Variants in FSIP2 observed in about 807,000 individuals in gnomAD.
FSIP2 encodes the protein fibrous sheath-interacting protein 2.
FSIP2 carries 367 observed loss-of-function variants against 510.5 expected under a neutral mutation model. The ratio of observed to expected loss-of-function variants is 0.72; its 90% CI spans 0.66 to 0.78. The LOEUF is 0.78. Among genes scored for constraint, FSIP2 ranks in the 30% least tolerant of loss-of-function variants. The pLI, the probability that FSIP2 is intolerant of heterozygous loss-of-function variation, is 0.00. For synonymous variants in FSIP2, 2,601 were observed against 2,732.2 expected, an observed-to-expected ratio of 0.95 and a Z score of 1.50; for missense variants, 7,594 against 7,901.7, an observed-to-expected ratio of 0.96 and a Z score of 1.48.
chr2:185,739,102 T>C, intron 1 of FSIP2, 109 bp downstream of exon 1: 2 of 1,358,178 alleles, frequency 1.5e-6, no homozygotes, highest in Non-Finnish European at 1.9e-6. Context: ...CTGTCCCCCG[T>C]CAGGAGGCTG....
At position 185,807,022 on chromosome 2, in the gene FSIP2, C is replaced by T; in HGVS notation, c.17716C>T (p.Pro5906Ser). Residue 5906 changes from proline to serine, a missense_variant, in exon 17 of 23, where the codon CCA (proline) becomes TCA (serine). By Grantham distance (74) the Pro-to-Ser change is moderately conservative (BLOSUM62 -1). Transcript: ENST00000424728. ...GAGAAAACCTTCTTCAGATAAGATA[C>T]CATCAATTGACAAAACATTGGTCAA... ...MMRKPSSDKI[P>S]SIDKTLVNKV... 6.3e-7 allele frequency: 1 copy of T among 1,596,730 alleles called. No individual in the cohort carries two copies. The highest frequency in any genetic ancestry group is 8.5e-7 in the Non-Finnish European group (1 of 1,174,538).
At chr2:185,780,095 T>C (rs1559021495) in intron 13 of FSIP2, among the ~76,000 whole-genome samples, 1 of 151,950 alleles carries the variant, frequency 6.6e-6, no homozygotes, top group Admixed American at 6.6e-5. Context: ...AATTGTTTTG[T>C]TTAATTATTT....
chr2:185,792,270 C>G lies in FSIP2; in HGVS notation c.5134C>G (p.Pro1712Ala). ...AGGCATTGAAACTTATCGATACAGG[C>G]CAACATATGGAAGTCTTCCTGGAGG... ...GGGIETYRYR[P>A]TYGSLPGGAE... The change falls in exon 16 of 23, where the codon CCA becomes GCA. Residue 1712 changes from proline (P) to alanine (A), a missense_variant. Coordinates refer to ENST00000424728, the MANE Select transcript of FSIP2 (RefSeq NM_173651.4). 1 of 1,533,244 alleles carries G rather than the reference C, an allele frequency of 6.5e-7. No individual in the cohort carries two copies. The highest frequency in any genetic ancestry group is 2.4e-5 in the East Asian group (1 of 40,828). The allele number at this position is 1,533,244 out of a possible 1,614,324, so 95.0% of individuals were successfully genotyped here.
At chr2:185,787,938 ATTATTTTATTTTATTT>A (rs889274895) in intron 15 of FSIP2, 1 of 151,352 alleles carries the variant, frequency 6.6e-6, no homozygotes, top group African/African-American at 2.4e-5. Context: ...ATTTATTTGT[ATTATTTTATTTTATTT>A]TTATTTTATT....
intron 7 of FSIP2, among the ~76,000 whole-genome samples, chr2:185,748,856 G>A (rs1034125087): frequency 6.6e-6 from 1 of 152,018 alleles, no homozygotes; most frequent in African/African-American, 2.4e-5. Context: ...TTGTTTTACT[G>A]TAAGAAATTT....
Position 185,789,809 on chromosome 2 carries a change from A to T in FSIP2, c.2673A>T (p.Leu891Phe). ...SLIVNEEVQNLISNIFSQSSL... is the reference protein window; with the variant it reads ...SLIVNEEVQNFISNIFSQSSL... ...TTGTCAATGAAGAAGTACAAAATTT[A>T]ATATCAAATATTTTTTCCCAGTCTT... The change falls in exon 16 of 23, where the codon TTA becomes TTT. Residue 891 changes from leucine to phenylalanine, a missense_variant. By Grantham distance (22) the Leu-to-Phe change is conservative. Transcript: ENST00000424728. 1 of 1,533,358 alleles carries T rather than the reference A, an allele frequency of 6.5e-7. No individual in the cohort carries two copies. The highest frequency in any genetic ancestry group is 8.7e-7 in the Non-Finnish European group (1 of 1,144,924). The allele number at this position is 1,533,358 out of a possible 1,614,324, so 95.0% of individuals were successfully genotyped here.
intron 13 of FSIP2, among the ~76,000 whole-genome samples, chr2:185,770,485 T>C (rs1054937639): frequency 2.6e-5 from 4 of 152,070 alleles, no homozygotes; most frequent in Admixed American, 1.3e-4. Flanking sequence ...AAAGCAGCAG[T>C]GGGTGGGTGC....
chr2:185,760,957 A>C (rs1348870627), intron 9 of FSIP2, 31 bp from the exon 10 acceptor site: 5 of 835,034 alleles, frequency 6.0e-6, no homozygotes, highest in Non-Finnish European at 8.9e-6. Flanking sequence ...AAAAAAAAAA[A>C]CTATAGAGTT....
At chr2:185,777,162 G>A (rs1037005335) in intron 13 of FSIP2, among the ~76,000 whole-genome samples, 9 of 152,152 alleles carry the variant, frequency 5.9e-5, no homozygotes, top group Non-Finnish European at 1.3e-4. Flanking sequence ...TTTTGCTTCT[G>A]AGGATGACCA....
chr2:185,800,519 T>A lies in FSIP2; in HGVS notation c.11213T>A (p.Ile3738Lys). 1 of 1,531,622 alleles carries A rather than the reference T, an allele frequency of 6.5e-7. No homozygotes were observed. The highest frequency in any genetic ancestry group is 8.7e-7 in the Non-Finnish European group (1 of 1,145,006). The allele number at this position is 1,531,622 out of a possible 1,614,324, so 94.9% of individuals were successfully genotyped here. A position where few individuals can be genotyped will look rare whatever the true frequency, so the allele number is the denominator to read the frequency against. ...YSSNNEQPNS[I>K]LTNNLQLSSK... ...TCGAATAATGAGCAACCTAATAGCA[T>A]ACTTACCAATAACCTACAGCTCTCC... The change falls in exon 17 of 23, where the codon ATA (isoleucine) becomes AAA (lysine). Residue 3738 changes from isoleucine to lysine, a missense_variant. Ile to Lys is a moderately radical substitution (Grantham distance 102, BLOSUM62 -3). Transcript: ENST00000424728.
rs1224022142 is a variant in FSIP2, at chr2:185,794,679, A to G, written c.7543A>G (p.Ile2515Val). The change falls in exon 16 of 23, where the codon ATA becomes GTA. Residue 2515 changes from isoleucine to valine, a missense_variant. Ile to Val is a conservative substitution (Grantham distance 29). Transcript: ENST00000424728. ...TCCACTTAATGAAACTGCCAACTTT[A>G]TATCTAATTCTAAGATTAAAACATC... is the stretch of plus-strand genomic sequence containing the variant. ...LPPLNETANF[I>V]SNSKIKTSDT... is the part of the protein sequence containing the mutation. 1.0e-5 allele frequency: 16 copies of G among 1,533,794 alleles called. No homozygotes were observed. The highest frequency in any genetic ancestry group is 5.9e-5 in the Admixed American group (3 of 50,804).
At chr2:185,774,834 TG>T (rs1236859663) in intron 13 of FSIP2, among the ~76,000 whole-genome samples, 1 of 80,488 alleles carries the variant, frequency 1.2e-5, no homozygotes, top group African/African-American at 4.9e-5. Context: ...ATGCAGTGTT[TG>T]GTTTTTTGTT....
Position 185,790,169 on chromosome 2 carries a change from T to C in FSIP2, c.3033T>C (p.Ile1011=), listed in dbSNP as rs1484786216. ...SDDENEEIDN[I]VKNVLDSTFK... ...ATGAAAATGAGGAAATAGACAATAT[T>C]GTAAAAAATGTGCTTGATTCAACTT... is the stretch of plus-strand genomic sequence containing the variant. The change falls in exon 16 of 23, where the codon ATT becomes ATC. Residue 1011 remains isoleucine (I), a synonymous_variant. Coordinates refer to ENST00000424728, the MANE Select transcript of FSIP2 (RefSeq NM_173651.4). 6.5e-7 allele frequency: 1 copy of C among 1,531,868 alleles called. No homozygotes were observed. Among genetic ancestry groups the C allele is most frequent in the African/African-American group, 1.4e-5 (1 of 72,850 alleles). The allele number at this position is 1,531,868 out of a possible 1,614,324, so 94.9% of individuals were successfully genotyped here.
At chr2:185,764,680 G>C (rs1692427346) in intron 13 of FSIP2, 115 bp downstream of exon 13, 2 of 725,346 alleles carry the variant, frequency 2.8e-6, no homozygotes, top group East Asian at 5.6e-5. Flanking sequence ...ATCATTCAAG[G>C]AAAAATGGCA....
chr2:185,759,624 T>C (rs1692310866), intron 9 of FSIP2, among the ~76,000 whole-genome samples: 1 of 146,140 alleles, frequency 6.8e-6, no homozygotes, highest in Non-Finnish European at 1.5e-5. Context: ...ATGGTCAGTA[T>C]AATATTAATA....
upstream of FSIP2, chr2:185,738,672 G>A (rs1354346174): frequency 1.3e-6 from 2 of 1,535,958 alleles, no homozygotes; most frequent in African/African-American, 1.4e-5. Context: ...CTCTCGGACC[G>A]ATTTTCCCAG....
Position 185,792,283 on chromosome 2 carries a change from G to A in FSIP2, c.5147G>A (p.Ser1716Asn), listed in dbSNP as rs1484024933. The change falls in exon 16 of 23, where the codon AGT (serine) becomes AAT (asparagine). Residue 1716 changes from serine (S) to asparagine (N), a missense_variant. By Grantham distance (46) the Ser-to-Asn change is conservative. Coordinates refer to ENST00000424728, the MANE Select transcript of FSIP2 (RefSeq NM_173651.4). The part of the protein sequence containing the change: ...ETYRYRPTYG[S>N]LPGGAESDSF... ...TATCGATACAGGCCAACATATGGAA[G>A]TCTTCCTGGAGGAGCTGAATCAGAT... is the stretch of plus-strand genomic sequence containing the variant. 6.5e-7 allele frequency: 1 copy of A among 1,532,652 alleles called. No homozygotes were observed. Among genetic ancestry groups the A allele is most frequent in the African/African-American group, 1.4e-5 (1 of 72,728 alleles). The allele number at this position is 1,532,652 out of a possible 1,614,324, so 94.9% of individuals were successfully genotyped here.
At chr2:185,779,383 A>G (rs1241579252) in intron 13 of FSIP2, among the ~76,000 whole-genome samples, 2 of 151,280 alleles carry the variant, frequency 1.3e-5, no homozygotes, top group Non-Finnish European at 3.0e-5. Context: ...TTAAATTTTT[A>G]TGGATACATA....
At position 185,761,040 on chromosome 2, in the gene FSIP2, G is replaced by A. The variant is rs183605884; in HGVS notation, c.1131G>A (p.Thr377=). ...GTCAAAATAGTTCAAATAATTTTAC[G>A]AAAAAAAACTCAGCTTCTGTTGTTT... ...HQRQNSSNNF[T]KKNSASVVYQ... The change falls in exon 10 of 23, where the codon ACG becomes ACA. Residue 377 remains threonine, a synonymous_variant. Coordinates refer to ENST00000424728, the MANE Select transcript of FSIP2 (RefSeq NM_173651.4). 7,723 of 1,505,202 alleles carry A rather than the reference G, an allele frequency of 5.1e-3. 201 individuals carry two copies. In the African/African-American group the frequency reaches 0.07, roughly 14 times the overall value. 93.2% of individuals were successfully genotyped at this position (1,505,202 alleles called of 1,614,324 possible). A position where few individuals can be genotyped will look rare whatever the true frequency, so the allele number is the denominator to read the frequency against.
Sources: allele counts gnomAD v4.1 joint callset (sites outside exome capture counted in the v4.1 genomes callset), GRCh38; gene constraint gnomAD v4.1.1; transcripts MANE v1.5; gene names NCBI Gene and HGNC (gene_info 2026-07-23, HGNC 2026-07-21).